Variants in TMEM178B observed in about 807,000 individuals in gnomAD.
TMEM178B encodes transmembrane protein 178B.
A neutral mutation model predicts 31.0 loss-of-function variants in TMEM178B; 5 were observed. That is an observed-to-expected ratio of 0.16 (90% CI 0.08 to 0.34). The LOEUF is 0.34. TMEM178B is among the 10% of genes least tolerant of loss of function. The pLI, the probability that TMEM178B is intolerant of heterozygous loss-of-function variation, is 1.00. For synonymous variants in TMEM178B, 164 were observed against 164.0 expected, an observed-to-expected ratio of 1.00 and a Z score of 0.00; for missense variants, 275 against 400.3, an observed-to-expected ratio of 0.69 and a Z score of 2.67.
intron 1 of TMEM178B, among the ~76,000 whole-genome samples, chr7:141,146,905 C>T (rs900864679): frequency 3.3e-5 from 5 of 152,166 alleles, no homozygotes; most frequent in African/African-American, 4.8e-5. Context: ...TATGGGAAGG[C>T]GCTTGCAGCT....
At position 141,461,717 on chromosome 7, in the gene TMEM178B, T is replaced by G. The variant is rs1802062365; in HGVS notation, c.635-8819T>G. On this transcript the variant is annotated intron_variant, in intron 3 of 3. Transcript: ENST00000565468. The surrounding 1 kb of genome is among the most constrained non-coding windows in gnomAD (Gnocchi z 4.0). ...CACATGTTCTAGCCTCCCCTTTCTG[T>G]GTAGGCTAATCCAGCAACAAGCACA... 6.6e-6 allele frequency among the ~76,000 whole-genome samples: 1 copy of G among 152,176 alleles called. No individual in the cohort carries two copies.
chr7:141,500,455 A>G, the TMEM178B span, among the ~76,000 whole-genome samples: 8 of 152,170 alleles, frequency 5.3e-5, no homozygotes, highest in Admixed American at 1.3e-4. Context: ...GGCATATAAA[A>G]TTGGGAGGAG....
rs1011286548 is a variant in TMEM178B at position 141,472,145 on chromosome 7, T to C, written c.*1359T>C. The C allele has an allele frequency of 2.0e-5, 3 of 152,276 alleles. No individual in the cohort carries two copies. The highest frequency in any genetic ancestry group is 6.5e-5 in the Admixed American group (1 of 15,304). The allele number at this position is 152,276 out of a possible 1,614,324, so 9.4% of individuals were successfully genotyped here. ...TCCCCATTATAGAAGCTGTCCTTTGTCACTGGACATCTCCCCTTTCCCTAG... is the reference window on the plus strand; with the variant it reads ...TCCCCATTATAGAAGCTGTCCTTTGCCACTGGACATCTCCCCTTTCCCTAG... On this transcript the variant is annotated 3_prime_UTR_variant, in exon 4 of 4. Transcript: ENST00000565468.
rs1796342567 is a variant in TMEM178B, at chr7:141,171,055, CACACACACA to C, written c.383-41535_383-41527del. On this transcript the variant is annotated intron_variant, in intron 1 of 3. Coordinates refer to ENST00000565468, the MANE Select transcript of TMEM178B (RefSeq NM_001195278.2). The surrounding 1 kb of genome is among the most constrained non-coding windows in gnomAD (Gnocchi z 4.3). ...ACACACACACACACACACACACACA[CACACACACA>C]CCCTAAATATAAATTAAAATAAATA... 5.9e-5 allele frequency among the ~76,000 whole-genome samples: 4 copies of C among 67,426 alleles called. No homozygotes were observed. Among genetic ancestry groups the C allele is most frequent in the South Asian group, 3.4e-4 (1 of 2,968 alleles). The allele number at this position is 67,426 out of a possible 152,430, so 44.2% of individuals were successfully genotyped here.
chr7:141,377,756 T>C (rs1346269452), intron 2 of TMEM178B, among the ~76,000 whole-genome samples: 2 of 152,226 alleles, frequency 1.3e-5, no homozygotes, highest in East Asian at 3.9e-4. Flanking sequence ...TTTTATATGA[T>C]GATCTACTGG....
intron 1 of TMEM178B, among the ~76,000 whole-genome samples, chr7:141,159,988 T>TTATA (rs930166792): frequency 2.0e-5 from 3 of 147,900 alleles, no homozygotes; most frequent in African/African-American, 7.4e-5. Flanking sequence ...ATTGTTTATT[T>TTATA]TATATATATA....
intron 2 of TMEM178B, among the ~76,000 whole-genome samples, chr7:141,423,662 C>G (rs939536826): frequency 6.6e-6 from 1 of 152,156 alleles, no homozygotes; most frequent in East Asian, 1.9e-4. Context: ...AGATGCTGGT[C>G]TTCTAGCCTT....
chr7:141,459,762 C>A (rs1802030244), intron 3 of TMEM178B, among the ~76,000 whole-genome samples: 1 of 152,082 alleles, frequency 6.6e-6, no homozygotes, highest in East Asian at 1.9e-4. Context: ...TGCCAATGTC[C>A]CCTTCCATTT....
At chr7:141,321,383 T>C (rs7810896) in intron 2 of TMEM178B, among the ~76,000 whole-genome samples, 50,559 of 152,100 alleles carry the variant, frequency 0.33, 10,819 homozygotes, top group African/African-American at 0.6. Context: ...ACAGTAGGAC[T>C]TCAAGTGACA....
intron 1 of TMEM178B, among the ~76,000 whole-genome samples, chr7:141,138,370 A>G (rs968631257): frequency 5.3e-5 from 8 of 151,982 alleles, no homozygotes; most frequent in Admixed American, 2.6e-4. Context: ...CTAAAATTCA[A>G]AATTTTAAGG....
At chr7:141,295,127 G>T (rs1208350203) in intron 2 of TMEM178B, among the ~76,000 whole-genome samples, 2 of 152,204 alleles carry the variant, frequency 1.3e-5, no homozygotes, top group Non-Finnish European at 2.9e-5. Context: ...GAGCCTACTT[G>T]AAATATGACA....
At chr7:141,365,127 C>T (rs1446568712) in intron 2 of TMEM178B, among the ~76,000 whole-genome samples, 1 of 152,254 alleles carries the variant, frequency 6.6e-6, no homozygotes, top group African/African-American at 2.4e-5. Flanking sequence ...TTAACATGGA[C>T]ACTTGGCATT....
At chr7:141,149,249 G>A (rs1248444686) in intron 1 of TMEM178B, among the ~76,000 whole-genome samples, 3 of 152,152 alleles carry the variant, frequency 2.0e-5, no homozygotes, top group Non-Finnish European at 2.9e-5. Flanking sequence ...CTGTGAATGT[G>A]ACCTTATTTA....
At chr7:141,370,932 A>T (rs1452584935) in intron 2 of TMEM178B, among the ~76,000 whole-genome samples, 3 of 152,196 alleles carry the variant, frequency 2.0e-5, no homozygotes, top group African/African-American at 7.2e-5. Flanking sequence ...TTCTGAGAGG[A>T]TGCACGGTTA....
At chr7:141,246,794 G>A (rs1290447955) in intron 2 of TMEM178B, among the ~76,000 whole-genome samples, 1 of 152,134 alleles carries the variant, frequency 6.6e-6, no homozygotes, top group African/African-American at 2.4e-5. Context: ...AAGGGCCTGA[G>A]TGCCAGACTC....
chr7:141,302,617 A>G (rs560368139), intron 2 of TMEM178B, among the ~76,000 whole-genome samples: 1 of 152,292 alleles, frequency 6.6e-6, no homozygotes, highest in African/African-American at 2.4e-5. Flanking sequence ...ATGCTACTGA[A>G]CTGTACACCT....
chr7:141,247,053 C>T (rs1304240361), intron 2 of TMEM178B, among the ~76,000 whole-genome samples: 1 of 152,092 alleles, frequency 6.6e-6, no homozygotes, highest in African/African-American at 2.4e-5. Flanking sequence ...TTCCCAGTAT[C>T]TAGAACAATC....
chr7:141,254,572 G>A (rs978846273), intron 2 of TMEM178B, among the ~76,000 whole-genome samples: 6 of 152,100 alleles, frequency 3.9e-5, no homozygotes, highest in African/African-American at 1.2e-4. Flanking sequence ...ACAAAAATTA[G>A]CCAGGCGTGG....
chr7:141,109,598 G>A (rs1034770378), intron 1 of TMEM178B, among the ~76,000 whole-genome samples: 18 of 152,128 alleles, frequency 1.2e-4, no homozygotes, highest in African/African-American at 4.1e-4. Flanking sequence ...TGCAAGGGGG[G>A]GACTGTGTCT....
Sources: gnomAD v4.1 joint callset for allele counts (sites outside exome capture counted in the v4.1 genomes callset) on GRCh38, gnomAD v4.1.1 for gene constraint, Gnocchi (gnomAD v3.1) non-coding constraint, MANE v1.5 for transcripts, NCBI Gene and HGNC (gene_info 2026-07-23, HGNC 2026-07-21) for gene names.